The following RHOBTB1 variants were observed in gnomAD, a reference collection of about 807,000 sequenced individuals.
The protein encoded by RHOBTB1 is Rho related BTB domain containing 1.
In RHOBTB1, 40 loss-of-function variants were observed where a neutral mutation model predicts 71.6. The observed-to-expected ratio is 0.56, with a 90% CI of 0.43 to 0.73. RHOBTB1 has a LOEUF of 0.73. RHOBTB1 is among the 30% of genes least tolerant of loss of function. RHOBTB1 has a pLI of 0.00. For missense variants in RHOBTB1, 797 were observed against 894.0 expected (o/e 0.89, Z 1.38); for synonymous variants, 319 against 334.9 (o/e 0.95, Z 0.52).
intron 4 of RHOBTB1, among the ~76,000 whole-genome samples, chr10:60,894,337 G>A (rs2082061707): frequency 6.6e-6 from 1 of 152,134 alleles, no homozygotes; most frequent in Non-Finnish European, 1.5e-5. Flanking sequence ...TTATAAGAGA[G>A]GACCTAGGAC....
intron 4 of RHOBTB1, among the ~76,000 whole-genome samples, chr10:60,898,151 T>C (rs553639036): frequency 4.6e-4 from 70 of 152,156 alleles, no homozygotes; most frequent in African/African-American, 1.4e-3. Context: ...AGACTCCCCA[T>C]ATCCAGTATA....
chr10:60,940,530 T>G (rs545207302), intron 2 of RHOBTB1, among the ~76,000 whole-genome samples: 1 of 152,262 alleles, frequency 6.6e-6, no homozygotes, highest in East Asian at 1.9e-4. Context: ...CCAGGAAAAA[T>G]CCAGTACTTT....
the RHOBTB1 span, among the ~76,000 whole-genome samples, chr10:60,861,892 A>G: frequency 6.6e-6 from 1 of 152,214 alleles, no homozygotes; most frequent in Admixed American, 6.5e-5. Context: ...ACTTAAATGC[A>G]TGAATAAGAC....
intron 1 of RHOBTB1, among the ~76,000 whole-genome samples, chr10:60,996,858 C>T (rs2087069121): frequency 6.6e-6 from 1 of 152,110 alleles, no homozygotes; most frequent in Non-Finnish European, 1.5e-5. Context: ...CAAACTTATC[C>T]TGAATGTTTT....
chr10:60,926,206 C>T (rs2083874334), intron 2 of RHOBTB1, among the ~76,000 whole-genome samples: 1 of 152,154 alleles, frequency 6.6e-6, no homozygotes, highest in Non-Finnish European at 1.5e-5. Context: ...AACTGCACTC[C>T]AGCCAGGGCA....
intron 2 of RHOBTB1, among the ~76,000 whole-genome samples, chr10:60,933,131 C>A (rs1266033592): frequency 6.6e-6 from 1 of 152,224 alleles, no homozygotes; most frequent in Non-Finnish European, 1.5e-5. Context: ...AACCAGACTT[C>A]TTAAGATCTC....
intron 8 of RHOBTB1, among the ~76,000 whole-genome samples, chr10:60,876,060 A>G (rs2132274649): frequency 6.6e-6 from 1 of 152,330 alleles, no homozygotes; most frequent in South Asian, 2.1e-4. Context: ...CGGGAATGGA[A>G]TGATTTCTTT....
Position 60,888,750 on chromosome 10 carries a change from C to T in RHOBTB1, c.918G>A (p.Gly306=). Residue 306 remains glycine (G), a synonymous_variant, in exon 6 of 11, where the codon GGG becomes GGA. Coordinates refer to ENST00000337910, the MANE Select transcript of RHOBTB1 (RefSeq NM_014836.5). ...FLMECEESPN[G]SEGACEKEKQ... ...TCTCTTTCTCACAGGCTCCTTCACT[C>T]CCATTTGGGGATTCTTCACATTCCA... 2.5e-6 allele frequency: 4 copies of T among 1,614,196 alleles called. No individual in the cohort carries two copies. The highest frequency in any genetic ancestry group is 3.4e-6 in the Non-Finnish European group (4 of 1,180,040).
intron 2 of RHOBTB1, among the ~76,000 whole-genome samples, chr10:60,977,986 A>C (rs1176269674): frequency 1.3e-5 from 2 of 152,170 alleles, no homozygotes; most frequent in Admixed American, 1.3e-4. Flanking sequence ...AGGTTGCCTC[A>C]TCTATAAAAT....
chr10:60,998,614 C>G (rs1170278228), intron 1 of RHOBTB1, among the ~76,000 whole-genome samples: 1 of 151,942 alleles, frequency 6.6e-6, no homozygotes. Flanking sequence ...AGAAGAAAAA[C>G]GGGAAGGAAG....
At chr10:60,893,081 T>C in intron 4 of RHOBTB1, 86 bp from the exon 5 acceptor site, 2 of 933,310 alleles carry the variant, frequency 2.1e-6, no homozygotes, top group Non-Finnish European at 3.3e-6. Context: ...ACCCCATCCT[T>C]CTAATGCCAT....
intron 2 of RHOBTB1, among the ~76,000 whole-genome samples, chr10:60,937,281 TG>T (rs1380977668): frequency 6.6e-6 from 1 of 152,008 alleles, no homozygotes; most frequent in African/African-American, 2.4e-5. Flanking sequence ...GCAGATGAAA[TG>T]GGGAAATTGT....
At chr10:60,969,925 A>T (rs1291769152) in intron 2 of RHOBTB1, among the ~76,000 whole-genome samples, 1 of 152,140 alleles carries the variant, frequency 6.6e-6, no homozygotes, top group Non-Finnish European at 1.5e-5. Flanking sequence ...CTGAGAGAAG[A>T]CTATAGGACT....
intron 7 of RHOBTB1, among the ~76,000 whole-genome samples, chr10:60,879,945 G>C (rs1196994659): frequency 2.0e-5 from 3 of 152,084 alleles, no homozygotes; most frequent in Non-Finnish European, 4.4e-5. Flanking sequence ...AACATGTACA[G>C]ACTTTTTTCT....
rs1015189427 is a variant in RHOBTB1 at position 60,992,751 on chromosome 10, A to G, written c.-162-6806T>C. Among the ~76,000 whole-genome samples the G allele has an allele frequency of 2.9e-4, 44 of 152,312 alleles. No homozygotes were observed. In the Middle Eastern group the frequency reaches 0.014, roughly 47 times the overall value. On this transcript the variant is annotated intron_variant, in intron 1 of 11. Coordinates refer to the RHOBTB1 transcript ENST00000357917. ...ATGCACTTCTGCAATTATGAGAGTA[A>G]AAACATTCCACATTGAAATAAGAAA... is the stretch of plus-strand genomic sequence containing the variant.
intron 2 of RHOBTB1, among the ~76,000 whole-genome samples, chr10:60,922,376 C>T (rs1488862241): frequency 6.6e-6 from 1 of 152,184 alleles, no homozygotes; most frequent in African/African-American, 2.4e-5. Flanking sequence ...TTGAACCCTC[C>T]TTTACCATCA....
chr10:60,950,631 A>G (rs2085378454), intron 2 of RHOBTB1, among the ~76,000 whole-genome samples: 2 of 152,224 alleles, frequency 1.3e-5, no homozygotes, highest in Non-Finnish European at 2.9e-5. Flanking sequence ...GGGGACAAGA[A>G]TAATAACTTT....
At chr10:60,876,352 G>A (rs7087218) in intron 8 of RHOBTB1, among the ~76,000 whole-genome samples, 55,496 of 151,776 alleles carry the variant, frequency 0.37, 11,532 homozygotes, top group African/African-American at 0.58. Flanking sequence ...ACTAAACTAA[G>A]TGTTCATAGA....
intron 5 of RHOBTB1, among the ~76,000 whole-genome samples, chr10:60,891,333 G>GTTTT (rs1589210725): frequency 2.1e-5 from 2 of 95,054 alleles, no homozygotes; most frequent in African/African-American, 8.9e-5. Context: ...GTTGCTGTTT[G>GTTTT]CTTTTTTTTT....
Sources: gnomAD v4.1 joint callset for allele counts (sites outside exome capture counted in the v4.1 genomes callset) on GRCh38, gnomAD v4.1.1 for gene constraint, MANE v1.5 for transcripts, NCBI Gene and HGNC (gene_info 2026-07-23, HGNC 2026-07-21) for gene names.